PAPPA: variants seen among roughly 807,000 people sequenced by gnomAD.
The protein encoded by PAPPA is pappalysin 1, also known as pappalysin-1.
PAPPA carries 60 observed loss-of-function variants against 164.0 expected under a neutral mutation model. The ratio of observed to expected loss-of-function variants is 0.37; its 90% CI spans 0.30 to 0.45. The LOEUF (loss-of-function observed/expected upper bound fraction) is 0.45. Ranked by LOEUF, PAPPA falls within the 20% of genes least tolerant of loss-of-function variation. The pLI is 1.00. For synonymous variants in PAPPA, 875 were observed against 814.1 expected (o/e 1.07, Z -1.27); for missense variants, 1,782 against 2,087.3 (o/e 0.85, Z 2.85).
chr9:116,239,247 A>T (rs1666361450), intron 7 of PAPPA, among the ~76,000 whole-genome samples: 1 of 152,214 alleles, frequency 6.6e-6, no homozygotes, highest in African/African-American at 2.4e-5. Flanking sequence ...GAAATGTGGA[A>T]CATCTCCATC....
At chr9:116,384,659 T>C (rs1438769303) in intron 21 of PAPPA, among the ~76,000 whole-genome samples, 6 of 152,226 alleles carry the variant, frequency 3.9e-5, no homozygotes, top group Admixed American at 3.9e-4. Context: ...AATACTTTTA[T>C]AGCTCTAATT....
intron 2 of PAPPA, among the ~76,000 whole-genome samples, chr9:116,192,460 T>C (rs1047953900): frequency 6.6e-6 from 1 of 152,220 alleles, no homozygotes; most frequent in Non-Finnish European, 1.5e-5. Context: ...CCTCCCTACA[T>C]TCTTCCCACC....
At chr9:116,329,031 C>T (rs1331843337) in intron 10 of PAPPA, among the ~76,000 whole-genome samples, 1 of 152,166 alleles carries the variant, frequency 6.6e-6, no homozygotes, top group Non-Finnish European at 1.5e-5. Context: ...TGATTAGTGT[C>T]TCATTATTAT....
At chr9:116,391,869 T>C (rs1231483505) in intron 21 of PAPPA, among the ~76,000 whole-genome samples, 2 of 152,042 alleles carry the variant, frequency 1.3e-5, no homozygotes, top group East Asian at 3.9e-4. Context: ...GGGGAGAAGG[T>C]GGGGAGCTGC....
intron 21 of PAPPA, among the ~76,000 whole-genome samples, chr9:116,383,573 T>C (rs928056811): frequency 1.3e-5 from 2 of 152,210 alleles, no homozygotes; most frequent in Admixed American, 6.5e-5. Context: ...CCCAGTCCCT[T>C]TATTTTGCAA....
At chr9:116,221,276 T>C (rs771309769) in intron 5 of PAPPA, among the ~76,000 whole-genome samples, 12 of 152,340 alleles carry the variant, frequency 7.9e-5, no homozygotes, top group Admixed American at 3.9e-4. Context: ...TGCATCTATT[T>C]TGGAATTTTG....
chr9:116,260,145 G>A (rs934693716), intron 7 of PAPPA, among the ~76,000 whole-genome samples: 1 of 152,150 alleles, frequency 6.6e-6, no homozygotes, highest in African/African-American at 2.4e-5. Flanking sequence ...GTGTAAAAAT[G>A]TGCATGGGAA....
chr9:116,367,940 A>G (rs3827670), intron 19 of PAPPA, among the ~76,000 whole-genome samples, 186 bp downstream of exon 19: 6,648 of 152,168 alleles, frequency 0.044, 450 homozygotes, highest in African/African-American at 0.14. Context: ...CTTATTCACA[A>G]TCATTTCTCT....
chr9:116,249,950 T>C (rs562076569), intron 7 of PAPPA, among the ~76,000 whole-genome samples: 20 of 152,208 alleles, frequency 1.3e-4, no homozygotes, highest in Admixed American at 1.3e-4. Context: ...AATTGAGGCA[T>C]ACATATGCAT....
chr9:116,234,405 G>A (rs570907689), intron 6 of PAPPA, among the ~76,000 whole-genome samples: 69 of 152,274 alleles, frequency 4.5e-4, no homozygotes, highest in African/African-American at 1.5e-3. Flanking sequence ...AAGGGGAGGA[G>A]GAGAGATAAG....
chr9:116,245,506 G>T (rs891903711), intron 7 of PAPPA, among the ~76,000 whole-genome samples: 91 of 152,218 alleles, frequency 6.0e-4, no homozygotes, highest in African/African-American at 2.1e-3. Flanking sequence ...CAAAGATGAT[G>T]ATTATTTGCA....
chr9:116,298,787 G>GT (rs1260760345), intron 9 of PAPPA, among the ~76,000 whole-genome samples: 1 of 152,144 alleles, frequency 6.6e-6, no homozygotes, highest in Non-Finnish European at 1.5e-5. Flanking sequence ...AATTTTCTTA[G>GT]TATCCCTCAC....
chr9:116,398,683 T>C lies in PAPPA; in HGVS notation c.*2067T>C. On this transcript the variant is annotated 3_prime_UTR_variant, in exon 22 of 22. Transcript: ENST00000328252. The stretch of plus-strand genomic sequence containing the variant: ...GCAGTGCTGAGATAGTTTATGAGAC[T>C]TGTACCATTTCACAAACTCTGAAAT... 3.9e-6 allele frequency: 2 copies of C among 508,706 alleles called. No individual in the cohort carries two copies. Among genetic ancestry groups the C allele is most frequent in the Non-Finnish European group, 3.6e-6 (1 of 275,008 alleles). 31.5% of individuals were successfully genotyped at this position (508,706 alleles called of 1,614,324 possible).
chr9:116,210,889 C>A lies in PAPPA; in HGVS notation c.1625-750C>A, dbSNP rs546689915. Among the ~76,000 whole-genome samples, 9 of 152,262 alleles carry A rather than the reference C, an allele frequency of 5.9e-5. No homozygotes were observed. The South Asian group carries it at 1.0e-3, about 18-fold the overall frequency. ...GTACTTGATGTATGGAGGTGCTATT[C>A]TAGTTCTCACACTAGATTAGTTAAA... is the stretch of plus-strand genomic sequence containing the variant. On this transcript the variant is annotated intron_variant, in intron 3 of 21. Transcript: ENST00000328252.
Position 116,302,872 on chromosome 9 carries a change from G to A in PAPPA, c.3069G>A (p.Trp1023Ter). Residue 1023 changes from tryptophan (W) to a stop codon, truncating the protein, a stop_gained, in exon 10 of 22, where the codon TGG becomes TGA. Coordinates refer to ENST00000328252, the MANE Select transcript of PAPPA (RefSeq NM_002581.5). LOFTEE classifies it high-confidence loss of function. The part of the protein sequence containing the change: ...VYTPQGFLDQ[W>*]ASNASVSHQD... Reference sequence around the variant, plus strand: ...CGCCCCAGGGATTCCTGGATCAGTGGGCATCCAATGCTTCAGTATCTCATC... The same window carrying A: ...CGCCCCAGGGATTCCTGGATCAGTGAGCATCCAATGCTTCAGTATCTCATC... 6.2e-7 allele frequency: 1 copy of A among 1,614,072 alleles called. No individual in the cohort carries two copies. The highest frequency in any genetic ancestry group is 8.5e-7 in the Non-Finnish European group (1 of 1,179,992).
At chr9:116,392,541 G>A (rs575289471) in intron 21 of PAPPA, among the ~76,000 whole-genome samples, 21 of 152,194 alleles carry the variant, frequency 1.4e-4, no homozygotes, top group African/African-American at 3.4e-4. Flanking sequence ...GGTATTCACC[G>A]CTTGAGCCTG....
chr9:116,307,336 AC>A (rs1356062921), intron 10 of PAPPA, among the ~76,000 whole-genome samples: 22 of 152,302 alleles, frequency 1.4e-4, no homozygotes, highest in Admixed American at 6.5e-4. Context: ...ACGGTGGCTC[AC>A]GCTTGTAATT....
At chr9:116,371,071 C>A (rs1010678243) in intron 19 of PAPPA, among the ~76,000 whole-genome samples, 3 of 152,234 alleles carry the variant, frequency 2.0e-5, no homozygotes, top group East Asian at 3.9e-4. Context: ...CCACCTGAAC[C>A]AGGCAGGTGG....
At chr9:116,356,767 T>G (rs189870400) in intron 17 of PAPPA, among the ~76,000 whole-genome samples, 1 of 152,162 alleles carries the variant, frequency 6.6e-6, no homozygotes, top group Non-Finnish European at 1.5e-5. Context: ...AGCCTTGTAG[T>G]GTAGTTTTAA....
Sources: gnomAD v4.1 joint callset for allele counts (sites outside exome capture counted in the v4.1 genomes callset) on GRCh38, gnomAD v4.1.1 for gene constraint, MANE v1.5 for transcripts, NCBI Gene and HGNC (gene_info 2026-07-23, HGNC 2026-07-21) for gene names.